The following TMEM132C variants were observed in gnomAD, a reference collection of about 807,000 sequenced individuals.
TMEM132C encodes transmembrane protein 132C.
Under a neutral mutation model 61.4 loss-of-function variants are expected in TMEM132C, and 29 were observed. The observed-to-expected ratio is 0.47, with a 90% confidence interval of 0.35 to 0.64. TMEM132C has a LOEUF of 0.64. TMEM132C is among the 30% of genes least tolerant of loss of function. The pLI is 0.00. For missense variants in TMEM132C, 1,408 were observed against 1,476.9 expected, an observed-to-expected ratio of 0.95 and a Z score of 0.76; for synonymous variants, 656 against 633.1, an observed-to-expected ratio of 1.04 and a Z score of -0.54.
chr12:128,575,028 A>G lies in TMEM132C; in HGVS notation c.1121+30925A>G, dbSNP rs186204546. On this transcript the variant is annotated intron_variant, in intron 3 of 8. Transcript: ENST00000435159. Reference sequence around the variant, plus strand: ...TCCTCTCTCATCTGTGCCTCCCGCTATATGCACTACAATTCCTCGCTGTGT... The same window carrying G: ...TCCTCTCTCATCTGTGCCTCCCGCTGTATGCACTACAATTCCTCGCTGTGT... Among the ~76,000 whole-genome samples, 5 of 152,350 alleles carry G rather than the reference A, an allele frequency of 3.3e-5. No individual in the cohort carries two copies. In the East Asian group the frequency reaches 5.8e-4, roughly 18 times the overall value.
intron 1 of TMEM132C, among the ~76,000 whole-genome samples, chr12:128,407,988 A>AG (rs1875405740): frequency 6.6e-6 from 1 of 152,014 alleles, no homozygotes; most frequent in African/African-American, 2.4e-5. Flanking sequence ...TGGAAAGTGA[A>AG]GCTCCCTTAG....
At chr12:128,424,824 T>C (rs1225055210) in intron 2 of TMEM132C, among the ~76,000 whole-genome samples, 2 of 152,232 alleles carry the variant, frequency 1.3e-5, no homozygotes, top group East Asian at 1.9e-4. Context: ...AAAAATTTAT[T>C]CTACAGATGG....
At chr12:128,582,466 G>A (rs1261459195) in intron 3 of TMEM132C, among the ~76,000 whole-genome samples, 1 of 145,720 alleles carries the variant, frequency 6.9e-6, no homozygotes, top group African/African-American at 2.6e-5. Flanking sequence ...CCAGTGATAT[G>A]GTTTGGCTCT....
At chr12:128,627,539 A>C (rs1181625503) in intron 4 of TMEM132C, among the ~76,000 whole-genome samples, 3 of 152,050 alleles carry the variant, frequency 2.0e-5, no homozygotes, top group African/African-American at 7.3e-5. Flanking sequence ...CCCACCAGAC[A>C]CTCCCTGGGG....
Position 128,695,778 on chromosome 12 carries a change from C to T in TMEM132C, c.1656-52C>T, listed in dbSNP as rs76558682. ...GGTGAGCGCCTGCCTGTCTCAAGAA[C>T]GTCTTAGACTCCTCTCCCTGGATCT... On this transcript the variant is annotated intron_variant, in intron 6 of 8. Coordinates refer to ENST00000435159, the MANE Select transcript of TMEM132C (RefSeq NM_001136103.3). The T allele has an allele frequency of 4.9e-4, 718 of 1,471,310 alleles. 3 individuals carry two copies. In the African/African-American group the frequency reaches 8.9e-3, roughly 18 times the overall value. The allele number at this position is 1,471,310 out of a possible 1,614,324, so 91.1% of individuals were successfully genotyped here.
At chr12:128,514,621 A>T (rs1872665262) in intron 2 of TMEM132C, among the ~76,000 whole-genome samples, 1 of 152,148 alleles carries the variant, frequency 6.6e-6, no homozygotes, top group Non-Finnish European at 1.5e-5. Context: ...AGAAGAGTTG[A>T]TATGTTGTTT....
chr12:128,681,778 TG>T, intron 5 of TMEM132C, among the ~76,000 whole-genome samples: 1 of 150,204 alleles, frequency 6.7e-6, no homozygotes, highest in Non-Finnish European at 1.5e-5. Flanking sequence ...CTCAGCCTCC[TG>T]AGTAGCTGGG....
chr12:128,372,504 A>G (rs1193189184), intron 1 of TMEM132C, among the ~76,000 whole-genome samples: 4 of 152,234 alleles, frequency 2.6e-5, no homozygotes, highest in African/African-American at 9.6e-5. Flanking sequence ...AAAGCTGGAT[A>G]TAATATATAG....
At chr12:128,285,769 TTC>T (rs139826127) in intron 1 of TMEM132C, among the ~76,000 whole-genome samples, 238 of 17,468 alleles carry the variant, frequency 0.014, 37 homozygotes, top group African/African-American at 0.093. Flanking sequence ...CTTTCTCTCT[TTC>T]TCTCTCTCTC....
At chr12:128,352,151 T>A (rs1195252833) in intron 1 of TMEM132C, among the ~76,000 whole-genome samples, 7 of 152,204 alleles carry the variant, frequency 4.6e-5, no homozygotes, top group Non-Finnish European at 7.3e-5. Flanking sequence ...CTCACACTGC[T>A]AATAAAGATA....
rs570923229 is a variant in TMEM132C at position 128,500,506 on chromosome 12, A to T, written c.975-43451A>T. ...ATTACATCTCAATGACAAAAAGTCA[A>T]ATAATTCCACTTTAAAATGAGCAAC... On this transcript the variant is annotated intron_variant, in intron 2 of 8. Coordinates refer to ENST00000435159, the MANE Select transcript of TMEM132C (RefSeq NM_001136103.3). Among the ~76,000 whole-genome samples the T allele has an allele frequency of 1.3e-4, 20 of 152,316 alleles. No individual in the cohort carries two copies. In the South Asian group the frequency reaches 3.9e-3, roughly 30 times the overall value.
chr12:128,369,885 A>G (rs1465871294), intron 1 of TMEM132C, among the ~76,000 whole-genome samples: 2 of 152,186 alleles, frequency 1.3e-5, no homozygotes, highest in African/African-American at 4.8e-5. Context: ...ATATGAGCCT[A>G]AATTAGTATA....
At chr12:128,347,513 C>T (rs200295970) in intron 1 of TMEM132C, among the ~76,000 whole-genome samples, 2 of 152,092 alleles carry the variant, frequency 1.3e-5, no homozygotes, top group African/African-American at 4.8e-5. Flanking sequence ...ACCACAACCT[C>T]TGCCTCCCAG....
chr12:128,498,202 T>A (rs73422532), intron 2 of TMEM132C, among the ~76,000 whole-genome samples: 1 of 152,090 alleles, frequency 6.6e-6, no homozygotes, highest in South Asian at 2.1e-4. Context: ...CTCCACAAGA[T>A]GAAATTTAGA....
intron 2 of TMEM132C, among the ~76,000 whole-genome samples, chr12:128,484,005 T>G (rs1373822238): frequency 6.7e-6 from 1 of 148,328 alleles, no homozygotes; most frequent in African/African-American, 2.4e-5. Flanking sequence ...ACAGATATGT[T>G]CCTCCAGTCT....
At chr12:128,602,285 C>T (rs150998702) in intron 3 of TMEM132C, among the ~76,000 whole-genome samples, 3 of 152,350 alleles carry the variant, frequency 2.0e-5, no homozygotes, top group African/African-American at 4.8e-5. Context: ...CAAGCTCCAG[C>T]GTGCAAAACA....
rs150294835 is a variant in TMEM132C, at chr12:128,278,929, G to A, written c.85+11442G>A. On this transcript the variant is annotated intron_variant, in intron 1 of 8. Transcript: ENST00000435159. This position sits in a 1 kb window ranked among gnomAD's most constrained non-coding sequence, Gnocchi z 4.2. Reference sequence around the variant, plus strand: ...AAGACAAGAAGGAATTCTGCCAGTCGACAGCATTTGGACGTGAACTGCAAC... The same window carrying A: ...AAGACAAGAAGGAATTCTGCCAGTCAACAGCATTTGGACGTGAACTGCAAC... Among the ~76,000 whole-genome samples the A allele has an allele frequency of 1.3e-5, 2 of 152,082 alleles. No homozygotes were observed. Among genetic ancestry groups the A allele is most frequent in the South Asian group, 2.1e-4 (1 of 4,820 alleles).
At chr12:128,535,087 A>T (rs1873470572) in intron 2 of TMEM132C, among the ~76,000 whole-genome samples, 1 of 152,200 alleles carries the variant, frequency 6.6e-6, no homozygotes, top group East Asian at 1.9e-4. Flanking sequence ...GGCAATGGGG[A>T]CTTTCCCATG....
intron 1 of TMEM132C, among the ~76,000 whole-genome samples, chr12:128,272,513 T>C (rs928862101): frequency 6.6e-5 from 10 of 152,240 alleles, no homozygotes; most frequent in African/African-American, 2.4e-4. Flanking sequence ...TTTTCATTTC[T>C]CCTGAGTAAC....
Sources: allele counts gnomAD v4.1 joint callset (sites outside exome capture counted in the v4.1 genomes callset), GRCh38; gene constraint gnomAD v4.1.1; non-coding constraint Gnocchi (gnomAD v3.1); transcripts MANE v1.5; gene names NCBI Gene and HGNC (gene_info 2026-07-23, HGNC 2026-07-21).